The following TRIM38 variants were observed in gnomAD, a reference collection of about 807,000 sequenced individuals.
TRIM38 encodes tripartite motif containing 38.
In TRIM38, 35 loss-of-function variants were observed where a neutral mutation model predicts 35.8. The observed-to-expected ratio is 0.98, with a 90% CI of 0.75 to 1.30. The LOEUF (loss-of-function observed/expected upper bound fraction) is 1.30, where lower values mean the gene tolerates loss of function less well. Among genes scored for constraint, TRIM38 ranks in the 50% most tolerant of loss-of-function variants. The pLI, the probability that TRIM38 is intolerant of heterozygous loss-of-function variation, is 0.00. For missense variants in TRIM38, 545 were observed against 556.9 expected (o/e 0.98, Z 0.21); for synonymous variants, 198 against 204.7 (o/e 0.97, Z 0.28).
At position 25,985,562 on chromosome 6, in the gene TRIM38, T is replaced by C. The variant is rs1349995865; in HGVS notation, c.*1875T>C. The C allele has an allele frequency of 6.6e-6, 1 of 152,128 alleles. No homozygotes were observed. The allele number at this position is 152,128 out of a possible 1,614,324, so 9.4% of individuals were successfully genotyped here. A position where few individuals can be genotyped will look rare whatever the true frequency, so the allele number is the denominator to read the frequency against. On this transcript the variant is annotated 3_prime_UTR_variant, in exon 8 of 8. Coordinates refer to ENST00000357085, the MANE Select transcript of TRIM38 (RefSeq NM_006355.5). Reference sequence around the variant, plus strand: ...CCACAGATGGAGAACCTAAGATGAATAGAAAAAAAAGATTTTTCTCCCCAA... The same window carrying C: ...CCACAGATGGAGAACCTAAGATGAACAGAAAAAAAAGATTTTTCTCCCCAA...
At position 25,983,766 on chromosome 6, in the gene TRIM38, T is replaced by C; in HGVS notation, c.*79T>C. 1.5e-6 allele frequency: 2 copies of C among 1,326,408 alleles called. No homozygotes were observed. Among genetic ancestry groups the C allele is most frequent in the Admixed American group, 4.8e-5 (2 of 41,724 alleles). The allele number at this position is 1,326,408 out of a possible 1,614,324, so 82.2% of individuals were successfully genotyped here. A position where few individuals can be genotyped will look rare whatever the true frequency, so the allele number is the denominator to read the frequency against. Reference sequence around the variant, plus strand: ...CCCATAAGGGCAGACGTTTGGTCTGTTTTCTTCGCTGTCATTTCCTTAGTA... The same window carrying C: ...CCCATAAGGGCAGACGTTTGGTCTGCTTTCTTCGCTGTCATTTCCTTAGTA... On this transcript the variant is annotated 3_prime_UTR_variant, in exon 8 of 8. Transcript: ENST00000357085.
chr6:25,980,657 G>A (rs1443752481), intron 7 of TRIM38, among the ~76,000 whole-genome samples: 1 of 152,220 alleles, frequency 6.6e-6, no homozygotes, highest in African/African-American at 2.4e-5. Context: ...CTGGCTTCAA[G>A]TGATCCGCCT....
At chr6:25,980,936 G>A (rs1760526220) in intron 7 of TRIM38, among the ~76,000 whole-genome samples, 1 of 152,140 alleles carries the variant, frequency 6.6e-6, no homozygotes, top group Non-Finnish European at 1.5e-5. Flanking sequence ...CTCAACATGG[G>A]TTTTCCTGGG....
Position 25,966,582 on chromosome 6 carries a change from G to A in TRIM38, c.60G>A (p.Leu20=), listed in dbSNP as rs376033350. ...AGGAAGCCACCTGCTCCATCTGCCTGAGCCTGATGACGAACCCAGTAAGCA... is the reference window on the plus strand; with the variant it reads ...AGGAAGCCACCTGCTCCATCTGCCTAAGCCTGATGACGAACCCAGTAAGCA... The part of the protein sequence containing the change: ...MMEEATCSIC[L]SLMTNPVSIN... Residue 20 remains leucine (L), a synonymous_variant, in exon 3 of 8, where the codon CTG becomes CTA. Transcript: ENST00000357085. 1 of 1,614,110 alleles carries A rather than the reference G, an allele frequency of 6.2e-7. No individual in the cohort carries two copies. Among genetic ancestry groups the A allele is most frequent in the African/African-American group, 1.3e-5 (1 of 75,018 alleles).
In TRIM38 at chr6:25,973,255, G is replaced by C. The variant is rs1266712951; in HGVS notation, c.844G>C (p.Asp282His). 6.2e-7 allele frequency: 1 copy of C among 1,613,940 alleles called. No individual in the cohort carries two copies. Among genetic ancestry groups the C allele is most frequent in the Non-Finnish European group, 8.5e-7 (1 of 1,179,994 alleles). ...GTGCAATGTTTCCAAGCTTTACTTCGATGTGAAGAAAATGTTAAGGAGTCA... is the reference window on the plus strand; with the variant it reads ...GTGCAATGTTTCCAAGCTTTACTTCCATGTGAAGAAAATGTTAAGGAGTCA... ...TMCNVSKLYF[D>H]VKKMLRSHQV... The change falls in exon 7 of 8, where the codon GAT becomes CAT. Residue 282 changes from aspartate to histidine, a missense_variant. By Grantham distance (81) the Asp-to-His change is moderately conservative. Transcript: ENST00000357085.
At position 25,989,510 on chromosome 6, in the gene TRIM38, C is replaced by CTTTTTTTTTTTTTTTTTTTTTTTTTTTTT. The variant is rs59539108; in HGVS notation, c.*5847_*5848insTTTTTTTTTTTTTTTTTTTTTTTTTTTTT. Reference sequence around the variant, plus strand: ...GCTATTGTTAGCAAGGTCTTGTATTCTTTTTTTTTTTTTTTTTTTTTTTTA... The same window carrying CTTTTTTTTTTTTTTTTTTTTTTTTTTTTT: ...GCTATTGTTAGCAAGGTCTTGTATTCTTTTTTTTTTTTTTTTTTTTTTTTTTTTTTTTTTTTTTTTTTTTTTTTTTTTTA... On this transcript the variant is annotated 3_prime_UTR_variant, in exon 8 of 8. Coordinates refer to ENST00000357085, the MANE Select transcript of TRIM38 (RefSeq NM_006355.5). The CTTTTTTTTTTTTTTTTTTTTTTTTTTTTT allele has an allele frequency of 1.1e-5, 1 of 93,738 alleles. No individual in the cohort carries two copies. The allele number at this position is 93,738 out of a possible 1,614,324, so 5.8% of individuals were successfully genotyped here.
In TRIM38 at chr6:25,983,389, A is replaced by G; in HGVS notation, c.1100A>G (p.Asn367Ser). 1 of 1,614,082 alleles carries G rather than the reference A, an allele frequency of 6.2e-7. No individual in the cohort carries two copies. Among genetic ancestry groups the G allele is most frequent in the Non-Finnish European group, 8.5e-7 (1 of 1,180,000 alleles). Residue 367 changes from asparagine to serine, a missense_variant, in exon 8 of 8, where the codon AAT becomes AGT. Transcript: ENST00000357085. ...TGGGATTTAGGAGTTTGTATGGAAA[A>G]TGTGCAGAGGGGCACTGGCATGAAG... The part of the protein sequence containing the change: ...TGWDLGVCME[N>S]VQRGTGMKQE...
At chr6:25,979,728 TA>T (rs1318405677) in intron 7 of TRIM38, among the ~76,000 whole-genome samples, 7 of 151,848 alleles carry the variant, frequency 4.6e-5, no homozygotes, top group South Asian at 2.1e-4. Context: ...TTTTTCTTTT[TA>T]AAAAATTATA....
intron 2 of TRIM38, among the ~76,000 whole-genome samples, chr6:25,963,739 G>A (rs1235895775): frequency 2.0e-5 from 3 of 152,166 alleles, no homozygotes; most frequent in South Asian, 2.1e-4. Flanking sequence ...AGGATAAACC[G>A]GTTCTTCTGG....
rs1198279459 is a variant in TRIM38 at position 25,986,077 on chromosome 6, G to A, written c.*2390G>A. ...TTAATAAAGAATACAGAAGAAAATA[G>A]GAACAAAAGAATATATACTGGAATA... On this transcript the variant is annotated 3_prime_UTR_variant, in exon 8 of 8. Coordinates refer to ENST00000357085, the MANE Select transcript of TRIM38 (RefSeq NM_006355.5). 6.6e-6 allele frequency: 1 copy of A among 152,030 alleles called. No individual in the cohort carries two copies. The highest frequency in any genetic ancestry group is 1.5e-5 in the Non-Finnish European group (1 of 68,010). The allele number at this position is 152,030 out of a possible 1,614,324, so 9.4% of individuals were successfully genotyped here.
At chr6:25,974,001 G>T (rs1023859830) in intron 7 of TRIM38, 3 of 356,898 alleles carry the variant, frequency 8.4e-6, no homozygotes, top group Non-Finnish European at 1.2e-5. Flanking sequence ...AAATGATTTG[G>T]TGGTTATATT....
At chr6:25,969,505 G>A in intron 4 of TRIM38, 85 bp downstream of exon 4, 2 of 1,136,430 alleles carry the variant, frequency 1.8e-6, no homozygotes, top group South Asian at 1.6e-5. Flanking sequence ...GCACAATGAG[G>A]ATTTATTCTC....
At chr6:25,963,914 A>AAACAACAACAACAAC (rs55782472) in intron 2 of TRIM38, among the ~76,000 whole-genome samples, 15 of 150,962 alleles carry the variant, frequency 9.9e-5, no homozygotes, top group Admixed American at 4.6e-4. Flanking sequence ...CTGAAAGCAA[A>AAACAACAACAACAAC]AACAACAACA....
At chr6:25,981,935 C>T (rs960377732) in intron 7 of TRIM38, among the ~76,000 whole-genome samples, 3 of 152,118 alleles carry the variant, frequency 2.0e-5, no homozygotes, top group African/African-American at 4.8e-5. Context: ...ATAATTAAGA[C>T]GAAGATGATG....
intron 7 of TRIM38, chr6:25,973,658 A>G (rs1760307236): frequency 1.0e-6 from 1 of 985,266 alleles, no homozygotes; most frequent in Non-Finnish European, 1.2e-6. Flanking sequence ...TGATCATAAT[A>G]GCACATCATG....
Position 25,966,681 on chromosome 6 carries a change from G to A in TRIM38, c.159G>A (p.Arg53=). ...FFKNPSQKQL[R]QETFCCPQCR... ...AAAACCCAAGCCAAAAGCAACTGAG[G>A]CAGGAGACATTCTGCTGTCCCCAGT... The change falls in exon 3 of 8, where the codon AGG becomes AGA. Residue 53 remains arginine, a synonymous_variant. Coordinates refer to ENST00000357085, the MANE Select transcript of TRIM38 (RefSeq NM_006355.5). 6.2e-7 allele frequency: 1 copy of A among 1,614,142 alleles called. No homozygotes were observed. The highest frequency in any genetic ancestry group is 1.1e-5 in the South Asian group (1 of 91,082).
rs377044700 is a variant in TRIM38, at chr6:25,973,256, A to C, written c.845A>C (p.Asp282Ala). Reference protein sequence around the residue: ...TMCNVSKLYFDVKKMLRSHQV... With the variant: ...TMCNVSKLYFAVKKMLRSHQV... ...TGCAATGTTTCCAAGCTTTACTTCGATGTGAAGAAAATGTTAAGGAGTCAT... is the reference window on the plus strand; with the variant it reads ...TGCAATGTTTCCAAGCTTTACTTCGCTGTGAAGAAAATGTTAAGGAGTCAT... The change falls in exon 7 of 8, where the codon GAT becomes GCT. Residue 282 changes from aspartate to alanine, a missense_variant. By Grantham distance (126) the Asp-to-Ala change is moderately radical (BLOSUM62 -2). Transcript: ENST00000357085. The C allele has an allele frequency of 1.2e-6, 2 of 1,613,980 alleles. No individual in the cohort carries two copies. The highest frequency in any genetic ancestry group is 1.7e-6 in the Non-Finnish European group (2 of 1,180,008).
chr6:25,983,184 G>T lies in TRIM38; in HGVS notation c.895G>T (p.Asp299Tyr). ...TGCAGTTAGTGTGACTCTGGATCCA[G>T]ATACAGCTCATCACGAACTAATTCT... is the stretch of plus-strand genomic sequence containing the variant. Reference protein sequence around the residue: ...SHQVSVTLDPDTAHHELILSE... With the variant: ...SHQVSVTLDPYTAHHELILSE... Residue 299 changes from aspartate to tyrosine, a missense_variant, in exon 8 of 8, where the codon GAT becomes TAT. Asp to Tyr is a radical substitution (Grantham distance 160). Transcript: ENST00000357085. The T allele has an allele frequency of 6.2e-7, 1 of 1,601,484 alleles. No homozygotes were observed. Among genetic ancestry groups the T allele is most frequent in the Non-Finnish European group, 8.5e-7 (1 of 1,173,774 alleles).
intron 3 of TRIM38, among the ~76,000 whole-genome samples, chr6:25,967,552 C>A (rs1190400444): frequency 1.0e-3 from 14 of 13,450 alleles, no homozygotes; most frequent in East Asian, 5.2e-3. Flanking sequence ...TTTTTTTTTC[C>A]TGAGGTAGGG....
Sources: gnomAD v4.1 joint callset for allele counts (sites outside exome capture counted in the v4.1 genomes callset) on GRCh38, gnomAD v4.1.1 for gene constraint, MANE v1.5 for transcripts, NCBI Gene and HGNC (gene_info 2026-07-23, HGNC 2026-07-21) for gene names.